Variants in TTC28 observed in about 807,000 individuals in gnomAD.
TTC28 encodes the protein tetratricopeptide repeat domain 28.
A neutral mutation model predicts 198.0 loss-of-function variants in TTC28; 61 were observed. That is an observed-to-expected ratio of 0.31 (90% confidence interval 0.25 to 0.38). The LOEUF (loss-of-function observed/expected upper bound fraction) is 0.38. TTC28 is among the 10% of genes least tolerant of loss of function. The pLI is 1.00. For missense variants in TTC28, 2,678 were observed against 3,164.0 expected, an observed-to-expected ratio of 0.85 and a Z score of 3.69; for synonymous variants, 1,171 against 1,297.8, an observed-to-expected ratio of 0.90 and a Z score of 2.10.
intron 5 of TTC28, among the ~76,000 whole-genome samples, chr22:28,267,058 C>T (rs1931728238): frequency 6.6e-6 from 1 of 152,088 alleles, no homozygotes; most frequent in African/African-American, 2.4e-5. Flanking sequence ...TAGAAGGCAT[C>T]AACAATATTG....
intron 5 of TTC28, among the ~76,000 whole-genome samples, chr22:28,218,002 G>T (rs960269827): frequency 6.6e-6 from 1 of 152,080 alleles, no homozygotes; most frequent in African/African-American, 2.4e-5. Context: ...GAAATATGTT[G>T]TTTTGGTTGA....
At chr22:28,039,170 G>A (rs1209972479) in intron 12 of TTC28, among the ~76,000 whole-genome samples, 12 of 152,284 alleles carry the variant, frequency 7.9e-5, no homozygotes, top group African/African-American at 2.4e-4. Context: ...CCATTACTGG[G>A]TATATACCCA....
intron 3 of TTC28, among the ~76,000 whole-genome samples, chr22:28,302,800 G>C (rs2045054322): frequency 6.6e-6 from 1 of 152,056 alleles, no homozygotes; most frequent in Admixed American, 6.5e-5. Context: ...TCAGCCTCCT[G>C]AGTAGCTAGG....
chr22:28,177,836 T>A (rs549121231), intron 5 of TTC28, among the ~76,000 whole-genome samples: 8 of 152,108 alleles, frequency 5.3e-5, no homozygotes, highest in African/African-American at 1.9e-4. Flanking sequence ...AGTTCAGCAG[T>A]TGCAAGGGAG....
chr22:28,266,022 A>C (rs1482199176), intron 5 of TTC28, among the ~76,000 whole-genome samples: 5 of 152,072 alleles, frequency 3.3e-5, no homozygotes, highest in Non-Finnish European at 7.4e-5. Context: ...TCTACTAAAA[A>C]TACAAAAATT....
chr22:28,466,857 C>CACACA, intron 2 of TTC28, among the ~76,000 whole-genome samples: 2 of 94,448 alleles, frequency 2.1e-5, no homozygotes, highest in South Asian at 3.7e-4. Flanking sequence ...ACACACACAC[C>CACACA]CCTATGCCAG....
intron 6 of TTC28, among the ~76,000 whole-genome samples, chr22:28,112,636 TTC>T (rs1942518047): frequency 1.3e-5 from 2 of 152,182 alleles, no homozygotes. Flanking sequence ...TTGGCAGCCT[TTC>T]TCTTTGTTGA....
intron 1 of TTC28, among the ~76,000 whole-genome samples, chr22:28,646,198 T>C (rs1156495574): frequency 6.6e-6 from 1 of 152,146 alleles, no homozygotes; most frequent in East Asian, 1.9e-4. Flanking sequence ...ACTCCTAGAT[T>C]TGATAGGGTT....
intron 2 of TTC28, among the ~76,000 whole-genome samples, chr22:28,373,314 G>T (rs991618208): frequency 6.6e-6 from 1 of 151,714 alleles, no homozygotes; most frequent in African/African-American, 2.4e-5. Flanking sequence ...ACTTTATGAG[G>T]CCCTTCATAT....
intron 12 of TTC28, among the ~76,000 whole-genome samples, chr22:28,031,035 G>A (rs1939053787): frequency 6.6e-6 from 1 of 152,196 alleles, no homozygotes; most frequent in African/African-American, 2.4e-5. Flanking sequence ...TTTCCCCTAT[G>A]ACAGACTTTA....
chr22:28,476,278 A>G (rs1268286709), intron 2 of TTC28, among the ~76,000 whole-genome samples: 3 of 152,204 alleles, frequency 2.0e-5, no homozygotes, highest in Admixed American at 6.5e-5. Flanking sequence ...AACTTTATCA[A>G]TGATGCATGT....
At chr22:28,515,439 G>A (rs1442657999) in intron 2 of TTC28, among the ~76,000 whole-genome samples, 2 of 152,118 alleles carry the variant, frequency 1.3e-5, no homozygotes, top group Non-Finnish European at 2.9e-5. Context: ...AACCACACGT[G>A]GGCATATAGG....
At chr22:28,552,196 G>A (rs2049686085) in intron 2 of TTC28, among the ~76,000 whole-genome samples, 1 of 152,024 alleles carries the variant, frequency 6.6e-6, no homozygotes, top group Non-Finnish European at 1.5e-5. Flanking sequence ...ACCTCTACAA[G>A]GAAAACTACA....
chr22:28,551,578 T>C (rs2049672288), intron 2 of TTC28, among the ~76,000 whole-genome samples: 1 of 152,166 alleles, frequency 6.6e-6, no homozygotes, highest in African/African-American at 2.4e-5. Context: ...TTAACATATG[T>C]AAGTCAATAA....
At chr22:28,060,344 G>A (rs1054316473) in intron 12 of TTC28, among the ~76,000 whole-genome samples, 4 of 152,130 alleles carry the variant, frequency 2.6e-5, no homozygotes, top group East Asian at 1.9e-4. Flanking sequence ...GAGAACATGC[G>A]GTGTTTGGTT....
At chr22:28,003,156 G>A (rs1447911043) in intron 14 of TTC28, among the ~76,000 whole-genome samples, 1 of 152,122 alleles carries the variant, frequency 6.6e-6, no homozygotes, top group Non-Finnish European at 1.5e-5. Context: ...TAGGGCACCT[G>A]GGCCCCATGG....
chr22:28,259,654 A>G (rs977142266), intron 5 of TTC28, among the ~76,000 whole-genome samples: 7 of 152,150 alleles, frequency 4.6e-5, no homozygotes, highest in African/African-American at 1.7e-4. Context: ...ATTAAATATG[A>G]AAAGACAGCT....
At chr22:28,630,297 T>C (rs535733506) in intron 1 of TTC28, among the ~76,000 whole-genome samples, 1 of 151,734 alleles carries the variant, frequency 6.6e-6, no homozygotes, top group Non-Finnish European at 1.5e-5. Flanking sequence ...TTTACTCTTA[T>C]TTTTTTTCAG....
rs1937002946 is a variant in TTC28, at chr22:27,981,229, AATT to A, written c.*989_*991del. 7 of 72,734 alleles carry A rather than the reference AATT, an allele frequency of 9.6e-5. No individual in the cohort carries two copies. Among genetic ancestry groups the A allele is most frequent in the African/African-American group, 2.4e-4 (5 of 20,466 alleles). 4.5% of individuals were successfully genotyped at this position (72,734 alleles called of 1,614,324 possible). ...CTGGTTAAATCTAGTTAGCCATGGAAATTTTTTTTTTTTTTTTTTTTTTTTTTT... is the reference window on the plus strand; with the variant it reads ...CTGGTTAAATCTAGTTAGCCATGGAATTTTTTTTTTTTTTTTTTTTTTTTT... On this transcript the variant is annotated 3_prime_UTR_variant, in exon 23 of 23. Coordinates refer to ENST00000397906, the MANE Select transcript of TTC28 (RefSeq NM_001145418.2).
Sources: allele counts gnomAD v4.1 joint callset (sites outside exome capture counted in the v4.1 genomes callset), GRCh38; gene constraint gnomAD v4.1.1; transcripts MANE v1.5; gene names NCBI Gene and HGNC (gene_info 2026-07-23, HGNC 2026-07-21).